The following ENTPD6 variants were observed in gnomAD, a reference collection of about 807,000 sequenced individuals.
The protein encoded by ENTPD6 is CD39 antigen-like 2.
In ENTPD6, 46 loss-of-function variants were observed where a neutral mutation model predicts 61.5. That is an observed-to-expected ratio of 0.75 (90% confidence interval 0.59 to 0.96). ENTPD6 has a LOEUF of 0.96. ENTPD6 is among the 40% of genes least tolerant of loss of function. ENTPD6 has a pLI of 0.00. For missense variants in ENTPD6, 612 were observed against 629.0 expected (o/e 0.97, Z 0.29); for synonymous variants, 252 against 255.5 (o/e 0.99, Z 0.13).
intron 4 of ENTPD6, among the ~76,000 whole-genome samples, chr20:25,212,352 G>T (rs942466469): frequency 1.3e-5 from 2 of 152,180 alleles, no homozygotes; most frequent in Non-Finnish European, 2.9e-5. Flanking sequence ...ATGTCCAGCG[G>T]AGCTGAGGCG....
intron 7 of ENTPD6, 134 bp downstream of exon 7, chr20:25,215,845 G>A (rs1600623736): frequency 1.1e-6 from 1 of 945,044 alleles, no homozygotes; most frequent in East Asian, 2.4e-5. Flanking sequence ...GTTGCTGACT[G>A]ACCATAGGGT....
At chr20:25,220,219 C>T (rs925785286) in intron 10 of ENTPD6, among the ~76,000 whole-genome samples, 37 of 152,198 alleles carry the variant, frequency 2.4e-4, no homozygotes, top group African/African-American at 8.4e-4. Flanking sequence ...AAACAGCAGT[C>T]GCGGCTGGAA....
chr20:25,202,724 G>A (rs1378960663), intron 1 of ENTPD6, among the ~76,000 whole-genome samples: 2 of 151,870 alleles, frequency 1.3e-5, no homozygotes, highest in Non-Finnish European at 2.9e-5. Flanking sequence ...ATATATATTG[G>A]GTATGTACCC....
chr20:25,221,180 C>A, intron 10 of ENTPD6, 52 bp from the exon 11 acceptor site: 1 of 1,445,168 alleles, frequency 6.9e-7, no homozygotes, highest in Non-Finnish European at 9.6e-7. Context: ...CAGCCCTAGT[C>A]CATGGCGGTG....
intron 1 of ENTPD6, among the ~76,000 whole-genome samples, chr20:25,197,585 G>A (rs141877745): frequency 7.5e-4 from 115 of 152,362 alleles, no homozygotes; most frequent in African/African-American, 2.7e-3. Flanking sequence ...TCCGGCAGGT[G>A]TCTCAGCCAT....
At chr20:25,213,040 A>T (rs1174114088) in intron 4 of ENTPD6, among the ~76,000 whole-genome samples, 4 of 152,226 alleles carry the variant, frequency 2.6e-5, no homozygotes, top group African/African-American at 9.6e-5. Context: ...ATGGTGGCTC[A>T]CGCCCTTGTC....
In ENTPD6 at chr20:25,226,269, C is replaced by G. The variant is rs1231729139; in HGVS notation, c.*672C>G. ...GGCAGGTGCCCACCTTTCAGGGAGT[C>G]TCCCAGCATGGGCGGATGCCGGGCA... is the stretch of plus-strand genomic sequence containing the variant. On this transcript the variant is annotated 3_prime_UTR_variant, in exon 15 of 15. Transcript: ENST00000376652. 1 of 152,780 alleles carries G rather than the reference C, an allele frequency of 6.5e-6. No individual in the cohort carries two copies. The highest frequency in any genetic ancestry group is 1.9e-4 in the East Asian group (1 of 5,200). 9.5% of individuals were successfully genotyped at this position (152,780 alleles called of 1,614,324 possible). A position where few individuals can be genotyped will look rare whatever the true frequency, so the allele number is the denominator to read the frequency against.
chr20:25,197,351 A>G (rs6050424), intron 1 of ENTPD6: 486,070 of 649,768 alleles, frequency 0.75, 182,385 homozygotes, highest in East Asian at 0.93. Context: ...GGGTGGCCTC[A>G]GCAGGAGCCA....
At chr20:25,210,712 C>T (rs776293699) in intron 4 of ENTPD6, among the ~76,000 whole-genome samples, 2 of 152,094 alleles carry the variant, frequency 1.3e-5, no homozygotes, top group Non-Finnish European at 2.9e-5. Flanking sequence ...GAGGCTGACG[C>T]GGGTGGATCA....
At chr20:25,221,485 T>G in intron 11 of ENTPD6, 152 bp downstream of exon 11, 1 of 714,986 alleles carries the variant, frequency 1.4e-6, no homozygotes, top group Non-Finnish European at 2.6e-6. Context: ...GAAGGTGGTT[T>G]GGCTGCAGGG....
chr20:25,209,941 C>A lies in ENTPD6; in HGVS notation c.453+16C>A. On this transcript the variant is annotated intron_variant, in intron 4 of 14. Transcript: ENST00000376652. ...TGTTGAAAAGGTAAGGATCCTCTCC[C>A]GTGTCTCCCTGTTCAACTGCAGAAT... is the stretch of plus-strand genomic sequence containing the variant. 1.2e-6 allele frequency: 2 copies of A among 1,604,440 alleles called. No homozygotes were observed. Among genetic ancestry groups the A allele is most frequent in the Non-Finnish European group, 1.7e-6 (2 of 1,171,162 alleles).
At chr20:25,224,221 C>A (rs542737861) in intron 13 of ENTPD6, 64 bp downstream of exon 13, 2 of 1,478,400 alleles carry the variant, frequency 1.4e-6, no homozygotes, top group African/African-American at 1.4e-5. Context: ...GTGACGCAGG[C>A]GCTGGCCCTG....
rs150898594 is a variant in ENTPD6, at chr20:25,225,998, G to A, written c.*401G>A. ...CCCAGCCTGTCAGTTTCCTCCCCAGGGCAGAGCTCCCCTTCCTGCAAGAGT... is the reference window on the plus strand; with the variant it reads ...CCCAGCCTGTCAGTTTCCTCCCCAGAGCAGAGCTCCCCTTCCTGCAAGAGT... On this transcript the variant is annotated 3_prime_UTR_variant, in exon 15 of 15. Transcript: ENST00000376652. The A allele has an allele frequency of 2.2e-3, 360 of 161,550 alleles. 3 individuals carry two copies. Among genetic ancestry groups the A allele is most frequent in the Admixed American group, 3.5e-3 (55 of 15,870 alleles). 10.0% of individuals were successfully genotyped at this position (161,550 alleles called of 1,614,324 possible). A position where few individuals can be genotyped will look rare whatever the true frequency, so the allele number is the denominator to read the frequency against.
intron 9 of ENTPD6, among the ~76,000 whole-genome samples, chr20:25,218,273 G>T (rs973976188): frequency 1.3e-5 from 2 of 152,236 alleles, no homozygotes; most frequent in Non-Finnish European, 2.9e-5. Flanking sequence ...TTGTTATAAA[G>T]CAGGAGCATC....
rs919180525 is a variant in ENTPD6 at position 25,227,357 on chromosome 20, G to C, written c.*1760G>C. The stretch of plus-strand genomic sequence containing the variant: ...ATATTTAAAGAACTCCGGAGGCTGA[G>C]AATCAGACGCATGAAGGTAAAGCCA... On this transcript the variant is annotated 3_prime_UTR_variant, in exon 15 of 15. Transcript: ENST00000376652. Among the ~76,000 whole-genome samples the C allele has an allele frequency of 2.0e-5, 3 of 152,226 alleles. No homozygotes were observed. The highest frequency in any genetic ancestry group is 4.4e-5 in the Non-Finnish European group (3 of 68,044).
chr20:25,215,178 C>T (rs1274981520), intron 6 of ENTPD6, among the ~76,000 whole-genome samples: 3 of 152,220 alleles, frequency 2.0e-5, no homozygotes, highest in Middle Eastern at 3.2e-3. Context: ...TCTTGACCAA[C>T]CCCAAACCTG....
chr20:25,207,010 C>T lies in ENTPD6; in HGVS notation c.55-66C>T, dbSNP rs78579977. On this transcript the variant is annotated intron_variant, in intron 2 of 14. Coordinates refer to ENST00000376652, the MANE Select transcript of ENTPD6 (RefSeq NM_001247.5). ...AACATTTTGTCCCTGGGCCTGGGGA[C>T]GTCTGACTCTCCTTGGATCCTAGCA... The T allele has an allele frequency of 3.8e-4, 546 of 1,432,844 alleles. 3 individuals are homozygous for T. The African/African-American group carries it at 6.6e-3, about 17-fold the overall frequency. The allele number at this position is 1,432,844 out of a possible 1,614,324, so 88.8% of individuals were successfully genotyped here.
rs368056326 is a variant in ENTPD6, at chr20:25,207,090, T to C, written c.69T>C (p.Gly23=). 2 of 1,610,382 alleles carry C rather than the reference T, an allele frequency of 1.2e-6. No homozygotes were observed. Among genetic ancestry groups the C allele is most frequent in the East Asian group, 2.2e-5 (1 of 44,784 alleles). Residue 23 remains glycine (G), a synonymous_variant, in exon 3 of 15, where the codon GGT becomes GGC. Transcript: ENST00000376652. The part of the protein sequence containing the change: ...TSYIFQQPQH[G]PWQTRMRKIS... Reference sequence around the variant, plus strand: ...CTTCCCACCAGCAGCCGCAGCACGGTCCTTGGCAAACAAGGATGAGAAAAA... The same window carrying C: ...CTTCCCACCAGCAGCCGCAGCACGGCCCTTGGCAAACAAGGATGAGAAAAA...
chr20:25,213,492 A>C, intron 5 of ENTPD6, 86 bp downstream of exon 5: 1 of 1,398,362 alleles, frequency 7.2e-7, no homozygotes, highest in Non-Finnish European at 9.7e-7. Context: ...CCAGTGCCGC[A>C]CCATCAGGCA....
Sources: allele counts gnomAD v4.1 joint callset (sites outside exome capture counted in the v4.1 genomes callset), GRCh38; gene constraint gnomAD v4.1.1; transcripts MANE v1.5; gene names NCBI Gene and HGNC (gene_info 2026-07-23, HGNC 2026-07-21).